ERC2: variants seen among roughly 807,000 people sequenced by gnomAD.
ERC2 encodes the protein ELKS/RAB6-interacting/CAST family member 2.
ERC2 carries 42 observed loss-of-function variants against 114.8 expected under a neutral mutation model. That is an observed-to-expected ratio of 0.37 (90% CI 0.29 to 0.47). The LOEUF is 0.47. Ranked by LOEUF, ERC2 falls within the 20% of genes least tolerant of loss-of-function variation. ERC2 has a pLI of 0.99. For missense variants in ERC2, 939 were observed against 1,150.7 expected, an observed-to-expected ratio of 0.82 and a Z score of 2.66; for synonymous variants, 454 against 425.5, an observed-to-expected ratio of 1.07 and a Z score of -0.82.
At chr3:55,823,692 C>T (rs2060216934) in intron 14 of ERC2, among the ~76,000 whole-genome samples, 1 of 152,192 alleles carries the variant, frequency 6.6e-6, no homozygotes, top group African/African-American at 2.4e-5. Flanking sequence ...TAACATACTA[C>T]TTACTAAACT....
intron 14 of ERC2, among the ~76,000 whole-genome samples, chr3:55,820,701 G>A (rs1459878777): frequency 1.3e-5 from 2 of 152,170 alleles, no homozygotes; most frequent in African/African-American, 2.4e-5. Context: ...AGCCGGGCAG[G>A]GCACCAGATA....
At chr3:56,388,363 T>C (rs2060009924) in intron 2 of ERC2, among the ~76,000 whole-genome samples, 1 of 152,124 alleles carries the variant, frequency 6.6e-6, no homozygotes, top group Non-Finnish European at 1.5e-5. Context: ...CCTCTCCCCC[T>C]TCCTCCTGCT....
chr3:55,674,635 A>AG (rs1308069664), intron 17 of ERC2, among the ~76,000 whole-genome samples: 2 of 152,176 alleles, frequency 1.3e-5, no homozygotes, highest in Non-Finnish European at 2.9e-5. Context: ...ATGTGCAGCG[A>AG]GGGGTCTTTC....
chr3:55,995,056 C>T (rs780756980), intron 10 of ERC2, among the ~76,000 whole-genome samples: 3 of 152,224 alleles, frequency 2.0e-5, no homozygotes, highest in East Asian at 3.9e-4. Flanking sequence ...CAACCTCGGC[C>T]GGGTGCGGTG....
intron 14 of ERC2, among the ~76,000 whole-genome samples, chr3:55,801,517 T>C (rs2071048952): frequency 6.6e-6 from 1 of 152,086 alleles, no homozygotes; most frequent in African/African-American, 2.4e-5. Context: ...AAGAGAAATA[T>C]TAATCCAGCT....
At chr3:55,728,895 G>A (rs1488497508) in intron 15 of ERC2, among the ~76,000 whole-genome samples, 3 of 152,204 alleles carry the variant, frequency 2.0e-5, no homozygotes, top group East Asian at 3.9e-4. Context: ...CTCGTCAGGT[G>A]TGACAGGCAA....
chr3:56,261,563 G>A (rs1405041371), intron 3 of ERC2, among the ~76,000 whole-genome samples: 2 of 152,130 alleles, frequency 1.3e-5, no homozygotes, highest in Admixed American at 6.5e-5. Flanking sequence ...GTTCTCACTC[G>A]AGCTTTTCCT....
chr3:56,263,586 A>C (rs2053091938), intron 3 of ERC2, among the ~76,000 whole-genome samples: 1 of 152,174 alleles, frequency 6.6e-6, no homozygotes, highest in Non-Finnish European at 1.5e-5. Context: ...AAATTCCTAG[A>C]AGCATAACCT....
chr3:56,038,810 A>G (rs977947593), intron 7 of ERC2, among the ~76,000 whole-genome samples: 6 of 152,350 alleles, frequency 3.9e-5, no homozygotes, highest in African/African-American at 1.4e-4. Context: ...GGAAGCCATT[A>G]TCCTCAGCAA....
At chr3:56,182,534 T>C (rs1349075454) in intron 3 of ERC2, among the ~76,000 whole-genome samples, 1 of 152,266 alleles carries the variant, frequency 6.6e-6, no homozygotes, top group Admixed American at 6.5e-5. Flanking sequence ...TAAATATTAA[T>C]GTGTTCAATC....
rs1484945146 is a variant in ERC2, at chr3:56,037,001, C to T, written c.1642-17970G>A. ...AACAAACAAAAAGCAACAACGACAA[C>T]GACGTCAATAAAAAAGCCCCTACAA... On this transcript the variant is annotated intron_variant, in intron 7 of 17. Coordinates refer to ENST00000288221, the MANE Select transcript of ERC2 (RefSeq NM_015576.3). Among the ~76,000 whole-genome samples, 6 of 152,128 alleles carry T rather than the reference C, an allele frequency of 3.9e-5. No homozygotes were observed. In the East Asian group the frequency reaches 5.8e-4, roughly 15 times the overall value.
chr3:56,129,636 A>C (rs1405025413), intron 6 of ERC2, among the ~76,000 whole-genome samples: 2 of 152,212 alleles, frequency 1.3e-5, no homozygotes, highest in Admixed American at 6.5e-5. Flanking sequence ...AGTAACACTT[A>C]GCAGAGGACA....
chr3:56,384,758 T>A (rs1031305557), intron 2 of ERC2, among the ~76,000 whole-genome samples: 12 of 152,176 alleles, frequency 7.9e-5, no homozygotes, highest in Non-Finnish European at 1.3e-4. Context: ...GTGTCCTACC[T>A]AAGATATCAC....
intron 6 of ERC2, among the ~76,000 whole-genome samples, chr3:56,127,852 A>C (rs1325386197): frequency 6.6e-6 from 1 of 152,202 alleles, no homozygotes; most frequent in African/African-American, 2.4e-5. Context: ...AAAGATACGA[A>C]GTATACACAA....
intron 14 of ERC2, among the ~76,000 whole-genome samples, chr3:55,851,073 T>C (rs2061550442): frequency 6.6e-6 from 1 of 152,046 alleles, no homozygotes; most frequent in Non-Finnish European, 1.5e-5. Context: ...CCCCATCAGA[T>C]GTTGTTTGAA....
intron 14 of ERC2, among the ~76,000 whole-genome samples, chr3:55,750,826 C>T (rs1013934626): frequency 6.6e-6 from 1 of 152,154 alleles, no homozygotes; most frequent in Non-Finnish European, 1.5e-5. Flanking sequence ...CACGCATGCC[C>T]GCATGCACAC....
chr3:55,910,931 T>G (rs760498646), intron 13 of ERC2, among the ~76,000 whole-genome samples: 45 of 152,194 alleles, frequency 3.0e-4, no homozygotes, highest in Non-Finnish European at 5.1e-4. Flanking sequence ...TTTCACTAAT[T>G]CAACACACTT....
chr3:56,377,689 G>A (rs942170765), intron 2 of ERC2, among the ~76,000 whole-genome samples: 2 of 152,076 alleles, frequency 1.3e-5, no homozygotes, highest in Non-Finnish European at 2.9e-5. Context: ...GAGATTCTTT[G>A]GATTGTGCGG....
intron 3 of ERC2, among the ~76,000 whole-genome samples, chr3:56,197,483 G>T (rs1404732862): frequency 6.6e-6 from 1 of 152,134 alleles, no homozygotes; most frequent in African/African-American, 2.4e-5. Context: ...TTAGTCACAT[G>T]ACCACACATG....
Sources: allele counts gnomAD v4.1 joint callset (sites outside exome capture counted in the v4.1 genomes callset), GRCh38; gene constraint gnomAD v4.1.1; transcripts MANE v1.5; gene names NCBI Gene and HGNC (gene_info 2026-07-23, HGNC 2026-07-21).